The following CACHD1 variants were observed in gnomAD, a reference collection of about 807,000 sequenced individuals.
CACHD1 encodes cache domain containing 1.
CACHD1 carries 71 observed loss-of-function variants against 138.7 expected under a neutral mutation model. The observed-to-expected ratio is 0.51, with a 90% CI of 0.42 to 0.62. CACHD1 has a LOEUF of 0.62. Ranked by LOEUF, CACHD1 falls within the 20% of genes least tolerant of loss-of-function variation. The pLI is 0.00. For synonymous variants in CACHD1, 578 were observed against 591.5 expected, an observed-to-expected ratio of 0.98 and a Z score of 0.33; for missense variants, 1,389 against 1,625.3, an observed-to-expected ratio of 0.85 and a Z score of 2.50.
In CACHD1 at chr1:64,533,914, G is replaced by A. The variant is rs1474950934; in HGVS notation, c.199-16680G>A. Among the ~76,000 whole-genome samples, 6 of 151,218 alleles carry A rather than the reference G, an allele frequency of 4.0e-5. No homozygotes were observed. In the East Asian group the frequency reaches 7.8e-4, roughly 20 times the overall value. Reference sequence around the variant, plus strand: ...ACTACAGGCACCAGCCACCACATCCGGCTAATTTTTTTGTATTTTTACTAG... The same window carrying A: ...ACTACAGGCACCAGCCACCACATCCAGCTAATTTTTTTGTATTTTTACTAG... On this transcript the variant is annotated intron_variant, in intron 1 of 26. Transcript: ENST00000651257.
chr1:64,670,349 A>G (rs1649773758), intron 16 of CACHD1, among the ~76,000 whole-genome samples: 1 of 152,212 alleles, frequency 6.6e-6, no homozygotes, highest in South Asian at 2.1e-4. Flanking sequence ...AATTTCCCCA[A>G]GCTTTAGTTT....
At chr1:64,493,005 G>A (rs1646287296) in intron 1 of CACHD1, among the ~76,000 whole-genome samples, 1 of 152,206 alleles carries the variant, frequency 6.6e-6, no homozygotes, top group African/African-American at 2.4e-5. Flanking sequence ...CTGAAGGAAT[G>A]AATGAATGAA....
intron 1 of CACHD1, among the ~76,000 whole-genome samples, chr1:64,537,276 ATTGT>A (rs1646640485): frequency 7.2e-6 from 1 of 139,380 alleles, no homozygotes; most frequent in South Asian, 2.4e-4. Flanking sequence ...AAAAAAAAAA[ATTGT>A]TTGTTGAGCG....
intron 11 of CACHD1, among the ~76,000 whole-genome samples, chr1:64,654,404 C>T (rs1191249202): frequency 1.3e-5 from 2 of 152,124 alleles, no homozygotes; most frequent in Non-Finnish European, 2.9e-5. Flanking sequence ...TCTTTGTGCT[C>T]ATTGGTTGAA....
At chr1:64,519,240 G>A (rs1570324847) in intron 1 of CACHD1, among the ~76,000 whole-genome samples, 1 of 152,100 alleles carries the variant, frequency 6.6e-6, no homozygotes, top group East Asian at 1.9e-4. Context: ...TAAACTTTTT[G>A]CCTCCAGCAA....
chr1:64,471,871 A>G (rs563885634), intron 1 of CACHD1, among the ~76,000 whole-genome samples: 1 of 152,262 alleles, frequency 6.6e-6, no homozygotes, highest in Non-Finnish European at 1.5e-5. Context: ...AAATTGCTGA[A>G]CACCAACCAC....
At chr1:64,629,002 T>C (rs1262841952) in intron 4 of CACHD1, among the ~76,000 whole-genome samples, 14 of 152,150 alleles carry the variant, frequency 9.2e-5, no homozygotes, top group Admixed American at 9.2e-4. Context: ...TTTTCTACAG[T>C]TACAGACTGT....
intron 3 of CACHD1, among the ~76,000 whole-genome samples, chr1:64,598,339 G>A (rs1378336152): frequency 1.3e-5 from 2 of 152,146 alleles, no homozygotes; most frequent in East Asian, 1.9e-4. Context: ...CTTGACTGGC[G>A]AGTGAATGCT....
intron 1 of CACHD1, among the ~76,000 whole-genome samples, chr1:64,526,026 A>G (rs1183177984): frequency 6.6e-6 from 1 of 152,220 alleles, no homozygotes; most frequent in African/African-American, 2.4e-5. Context: ...CTATGCCAGC[A>G]TTGCTTTATT....
chr1:64,556,184 A>T (rs1646795467), intron 2 of CACHD1, among the ~76,000 whole-genome samples: 1 of 152,118 alleles, frequency 6.6e-6, no homozygotes, highest in East Asian at 1.9e-4. Flanking sequence ...ACATGGGCTT[A>T]CCTCCTAGAT....
At chr1:64,609,257 G>A (rs6704038) in intron 4 of CACHD1, among the ~76,000 whole-genome samples, 48,793 of 151,932 alleles carry the variant, frequency 0.32, 9,196 homozygotes, top group African/African-American at 0.52. Context: ...TCAATGAAAA[G>A]GCCATGTTCT....
intron 2 of CACHD1, among the ~76,000 whole-genome samples, chr1:64,572,720 A>G (rs1180328572): frequency 6.6e-6 from 1 of 152,106 alleles, no homozygotes; most frequent in Non-Finnish European, 1.5e-5. Flanking sequence ...CCAGCTCAGC[A>G]CAGGGGCCCC....
At chr1:64,661,968 TGA>T (rs1649461674) in intron 13 of CACHD1, among the ~76,000 whole-genome samples, 1 of 152,032 alleles carries the variant, frequency 6.6e-6, no homozygotes, top group South Asian at 2.1e-4. Context: ...AGAGCTAACA[TGA>T]GAGAGAGGAA....
At chr1:64,577,549 C>CGTAG (rs1557502217) in intron 2 of CACHD1, among the ~76,000 whole-genome samples, 1 of 152,084 alleles carries the variant, frequency 6.6e-6, no homozygotes, top group African/African-American at 2.4e-5. Flanking sequence ...GAATCCCAGC[C>CGTAG]CTACCACTTA....
chr1:64,665,996 C>A (rs147220714), intron 15 of CACHD1, 61 bp from the exon 16 acceptor site: 2 of 986,006 alleles, frequency 2.0e-6, no homozygotes, highest in African/African-American at 1.7e-5. Context: ...CAGAGCAAGA[C>A]TCCATCTCAA....
At chr1:64,539,771 G>A (rs2100424568) in intron 1 of CACHD1, among the ~76,000 whole-genome samples, 1 of 152,302 alleles carries the variant, frequency 6.6e-6, no homozygotes, top group East Asian at 1.9e-4. Context: ...CTAAGCGCCA[G>A]ACCCTCTTAG....
intron 1 of CACHD1, among the ~76,000 whole-genome samples, chr1:64,512,388 T>A (rs1419294209): frequency 3.0e-5 from 2 of 67,028 alleles, no homozygotes; most frequent in African/African-American, 1.5e-4. Context: ...AGTGAGACTG[T>A]GTCTCAAAAA....
At chr1:64,493,413 G>C (rs946976126) in intron 1 of CACHD1, among the ~76,000 whole-genome samples, 4 of 152,186 alleles carry the variant, frequency 2.6e-5, no homozygotes, top group Non-Finnish European at 5.9e-5. Flanking sequence ...CCTATTTTGA[G>C]AAAATGCATC....
chr1:64,474,845 C>T (rs1204422247), intron 1 of CACHD1, among the ~76,000 whole-genome samples: 1 of 152,252 alleles, frequency 6.6e-6, no homozygotes, highest in Non-Finnish European at 1.5e-5. Flanking sequence ...GTTAGCCCAA[C>T]TCTGCTGGGC....
Sources: allele counts gnomAD v4.1 joint callset (sites outside exome capture counted in the v4.1 genomes callset), GRCh38; gene constraint gnomAD v4.1.1; transcripts MANE v1.5; gene names NCBI Gene and HGNC (gene_info 2026-07-23, HGNC 2026-07-21).